PARD3: variants seen among roughly 807,000 people sequenced by gnomAD.
PARD3 encodes the protein partitioning defective 3 homolog.
Under a neutral mutation model 155.4 loss-of-function variants are expected in PARD3, and 75 were observed. The observed-to-expected ratio is 0.48, with a 90% CI of 0.40 to 0.58. The LOEUF is 0.58. PARD3 is among the 20% of genes least tolerant of loss of function. The pLI is 0.00. For missense variants in PARD3, 1,642 were observed against 1,721.7 expected, an observed-to-expected ratio of 0.95 and a Z score of 0.82; for synonymous variants, 576 against 610.5, an observed-to-expected ratio of 0.94 and a Z score of 0.83.
chr10:34,318,767 ATTTT>A (rs1013195359), intron 19 of PARD3, among the ~76,000 whole-genome samples: 1 of 151,682 alleles, frequency 6.6e-6, no homozygotes. Flanking sequence ...GAATTTTTTT[ATTTT>A]TTTTATTTTT....
chr10:34,145,305 T>G (rs1487329977), intron 22 of PARD3, among the ~76,000 whole-genome samples: 1 of 148,188 alleles, frequency 6.7e-6, no homozygotes, highest in Non-Finnish European at 1.5e-5. Context: ...AAAATTGATT[T>G]TGCTCAGCAC....
At chr10:34,227,862 A>G (rs1311930959) in intron 22 of PARD3, among the ~76,000 whole-genome samples, 1 of 121,598 alleles carries the variant, frequency 8.2e-6, no homozygotes, top group Non-Finnish European at 1.8e-5. Flanking sequence ...TTTTTTATAT[A>G]TATATATATA....
chr10:34,275,098 T>C (rs1295657617), intron 21 of PARD3, among the ~76,000 whole-genome samples: 1 of 152,216 alleles, frequency 6.6e-6, no homozygotes, highest in Non-Finnish European at 1.5e-5. Context: ...CCCAAATTTG[T>C]ACATTATGAC....
At chr10:34,674,346 T>G (rs926404254) in intron 2 of PARD3, among the ~76,000 whole-genome samples, 1 of 152,172 alleles carries the variant, frequency 6.6e-6, no homozygotes, top group African/African-American at 2.4e-5. Flanking sequence ...TAAACATGAC[T>G]GTAGAACTGC....
intron 22 of PARD3, among the ~76,000 whole-genome samples, chr10:34,150,340 T>C (rs1235536733): frequency 6.6e-6 from 1 of 152,166 alleles, no homozygotes; most frequent in Non-Finnish European, 1.5e-5. Flanking sequence ...TTGGCAGTCA[T>C]CGACATATAC....
chr10:34,432,530 G>A (rs753398832), intron 5 of PARD3, among the ~76,000 whole-genome samples: 3 of 152,072 alleles, frequency 2.0e-5, no homozygotes, highest in African/African-American at 4.8e-5. Context: ...TTTTCTGGGC[G>A]TAGGAAACAC....
chr10:34,511,790 A>G (rs2081412991), intron 3 of PARD3, among the ~76,000 whole-genome samples: 1 of 152,152 alleles, frequency 6.6e-6, no homozygotes, highest in Admixed American at 6.5e-5. Flanking sequence ...GCAGTGGACA[A>G]TCACAGTTCA....
At chr10:34,118,232 C>T (rs1226470160) in intron 24 of PARD3, among the ~76,000 whole-genome samples, 1 of 152,198 alleles carries the variant, frequency 6.6e-6, no homozygotes, top group Non-Finnish European at 1.5e-5. Context: ...GAATAAACTG[C>T]TACAATAGAT....
chr10:34,661,797 A>G (rs1442382983), intron 2 of PARD3, among the ~76,000 whole-genome samples: 1 of 152,240 alleles, frequency 6.6e-6, no homozygotes, highest in Non-Finnish European at 1.5e-5. Context: ...CCGCCCAGAC[A>G]GTAAATGAGA....
At chr10:34,603,021 G>T (rs1435293152) in intron 2 of PARD3, among the ~76,000 whole-genome samples, 1 of 152,166 alleles carries the variant, frequency 6.6e-6, no homozygotes, top group Non-Finnish European at 1.5e-5. Flanking sequence ...ATTTCAAAAT[G>T]TAATTATGTT....
At chr10:34,724,008 C>G (rs1332388991) in intron 1 of PARD3, among the ~76,000 whole-genome samples, 1 of 152,186 alleles carries the variant, frequency 6.6e-6, no homozygotes, top group East Asian at 1.9e-4. Context: ...TCAACGAGCA[C>G]AAGCTTGGTA....
intron 20 of PARD3, among the ~76,000 whole-genome samples, chr10:34,312,541 A>C (rs1015821870): frequency 3.3e-5 from 5 of 152,244 alleles, no homozygotes; most frequent in Non-Finnish European, 5.9e-5. Context: ...GAAAATGATC[A>C]TATTCTAAAA....
At chr10:34,527,639 C>T (rs540279737) in intron 2 of PARD3, among the ~76,000 whole-genome samples, 7 of 152,168 alleles carry the variant, frequency 4.6e-5, no homozygotes, top group Non-Finnish European at 1.0e-4. Context: ...GAATGAAAGT[C>T]CAGGTGAAAA....
chr10:34,335,538 T>A (rs1272634534), intron 18 of PARD3, among the ~76,000 whole-genome samples: 1 of 152,180 alleles, frequency 6.6e-6, no homozygotes, highest in East Asian at 1.9e-4. Flanking sequence ...TCGATGACTA[T>A]AATGCAATCC....
chr10:34,724,282 C>T (rs564074993), intron 1 of PARD3, among the ~76,000 whole-genome samples: 1 of 152,154 alleles, frequency 6.6e-6, no homozygotes, highest in African/African-American at 2.4e-5. Context: ...ATGGCTTTCT[C>T]CATGCAACTA....
In PARD3 at chr10:34,269,787, C is replaced by T. The variant is rs149455520; in HGVS notation, c.3289G>A (p.Gly1097Arg). 4.1e-3 allele frequency: 6,688 copies of T among 1,613,950 alleles called. 49 individuals carry two copies. Among genetic ancestry groups the T allele is most frequent in the South Asian group, 0.02 (1,808 of 91,074 alleles). The change falls in exon 22 of 25, where the codon GGA becomes AGA. Residue 1097 changes from glycine to arginine, a missense_variant. By Grantham distance (125) the Gly-to-Arg change is moderately radical. This residue lies in a region of PARD3 where 1,529 missense variants were observed against 1,587.3 expected (regional missense o/e 0.96). Transcript: ENST00000374788. ...FGCDDELMYG[G>R]VSSYEGSMAL... ...ATGGAACCTTCATAAGAAGAAACTC[C>T]CCCATACATTAACTCATCATCACAG...
At chr10:34,643,991 GC>G (rs1333399295) in intron 2 of PARD3, among the ~76,000 whole-genome samples, 1 of 152,202 alleles carries the variant, frequency 6.6e-6, no homozygotes, top group Non-Finnish European at 1.5e-5. Context: ...ATGTGTATGT[GC>G]CTTCGTGTGC....
intron 2 of PARD3, among the ~76,000 whole-genome samples, chr10:34,649,146 C>A (rs1325520285): frequency 6.6e-6 from 1 of 152,174 alleles, no homozygotes; most frequent in Non-Finnish European, 1.5e-5. Context: ...GGGGCACACT[C>A]ATTCTGAGAG....
At chr10:34,355,954 AAACC>A (rs1182839096) in intron 14 of PARD3, among the ~76,000 whole-genome samples, 2,593 of 121,368 alleles carry the variant, frequency 0.021, 175 homozygotes, top group African/African-American at 0.11. Flanking sequence ...AAACAAAACA[AAACC>A]AAACAAAAAA....
Sources: gnomAD v4.1 joint callset for allele counts (sites outside exome capture counted in the v4.1 genomes callset) on GRCh38, gnomAD v4.1.1 for gene constraint, gnomAD v4.1.1 regional missense constraint, MANE v1.5 for transcripts, NCBI Gene and HGNC (gene_info 2026-07-23, HGNC 2026-07-21) for gene names.